The following DLC1 variants were observed in gnomAD, a reference collection of about 807,000 sequenced individuals.
DLC1 encodes DLC1 Rho GTPase activating protein, also known as rho GTPase-activating protein 7.
Under a neutral mutation model 140.3 loss-of-function variants are expected in DLC1, and 54 were observed. The observed-to-expected ratio is 0.38, with a 90% confidence interval of 0.31 to 0.48. The LOEUF (loss-of-function observed/expected upper bound fraction) is 0.48. Ranked by LOEUF, DLC1 falls within the 20% of genes least tolerant of loss-of-function variation. The probability of loss-of-function intolerance (pLI) is 0.96; values close to 1 mark genes in which losing one functional copy is unlikely to be tolerated. For synonymous variants in DLC1, 986 were observed against 728.1 expected, an observed-to-expected ratio of 1.35 and a Z score of -5.70; for missense variants, 2,536 against 1,907.0, an observed-to-expected ratio of 1.33 and a Z score of -6.14.
chr8:13,399,167 G>A (rs1837183858), intron 3 of DLC1, among the ~76,000 whole-genome samples: 1 of 152,116 alleles, frequency 6.6e-6, no homozygotes, highest in Non-Finnish European at 1.5e-5. Context: ...ACATTGACTA[G>A]AAAACTATTC....
At chr8:13,425,599 G>C (rs1838536542) in intron 2 of DLC1, among the ~76,000 whole-genome samples, 1 of 152,026 alleles carries the variant, frequency 6.6e-6, no homozygotes, top group South Asian at 2.1e-4. Context: ...TACCTGATAA[G>C]TGAGACTGTT....
chr8:13,126,919 T>C (rs991768099), intron 5 of DLC1, among the ~76,000 whole-genome samples: 5 of 152,186 alleles, frequency 3.3e-5, no homozygotes, highest in African/African-American at 1.2e-4. Context: ...CTCACCCATA[T>C]TTTCGTCCAT....
intron 4 of DLC1, among the ~76,000 whole-genome samples, chr8:13,318,877 A>C (rs901558895): frequency 1.3e-5 from 2 of 152,226 alleles, no homozygotes; most frequent in South Asian, 4.1e-4. Flanking sequence ...GAGAAATCAT[A>C]GTTTTTATGA....
At chr8:13,342,586 CT>C (rs1834114424) in intron 4 of DLC1, 1 of 152,232 alleles carries the variant, frequency 6.6e-6, no homozygotes, top group African/African-American at 2.4e-5. Flanking sequence ...GGAAGGAATT[CT>C]GCCCTAAGAC....
At chr8:13,172,298 A>G (rs1333194427) in intron 5 of DLC1, among the ~76,000 whole-genome samples, 4 of 152,170 alleles carry the variant, frequency 2.6e-5, no homozygotes, top group South Asian at 2.1e-4. Context: ...TGGAGCCTCA[A>G]TACTAAAACC....
At chr8:13,445,137 G>A in intron 2 of DLC1, among the ~76,000 whole-genome samples, 1 of 152,048 alleles carries the variant, frequency 6.6e-6, no homozygotes. Context: ...AAGGAAGAGA[G>A]CACAGAGGGA....
intron 2 of DLC1, among the ~76,000 whole-genome samples, chr8:13,457,637 A>T (rs1347544331): frequency 7.3e-6 from 1 of 137,030 alleles, no homozygotes; most frequent in Non-Finnish European, 1.5e-5. Context: ...AGATCGCGCC[A>T]CTGCACTCCA....
intron 5 of DLC1, among the ~76,000 whole-genome samples, chr8:13,226,786 C>G (rs896043491): frequency 7.2e-5 from 11 of 152,310 alleles, no homozygotes; most frequent in African/African-American, 2.6e-4. Context: ...GTTCCATTGA[C>G]TCAGAGTAGC....
intron 2 of DLC1, 160 bp downstream of exon 2, chr8:13,498,889 T>A: frequency 1.4e-6 from 1 of 714,800 alleles, no homozygotes; most frequent in East Asian, 2.7e-5. Context: ...TTTACATATT[T>A]TGATGGTTTG....
At chr8:13,163,794 T>C (rs2116887685) in intron 5 of DLC1, among the ~76,000 whole-genome samples, 1 of 151,158 alleles carries the variant, frequency 6.6e-6, no homozygotes, top group South Asian at 2.1e-4. Context: ...CAGTGAGACC[T>C]CTATGTCTAC....
At chr8:13,300,477 C>G (rs191304305) in intron 5 of DLC1, among the ~76,000 whole-genome samples, 30 of 152,288 alleles carry the variant, frequency 2.0e-4, no homozygotes, top group African/African-American at 6.5e-4. Flanking sequence ...AACAAACTCT[C>G]CAACCTCATT....
intron 1 of DLC1, among the ~76,000 whole-genome samples, chr8:13,512,326 C>T (rs116167714): frequency 0.029 from 4,363 of 152,182 alleles, 212 homozygotes; most frequent in African/African-American, 0.095. Context: ...AGGGTCTTGT[C>T]TGAGAAGGTA....
At chr8:13,253,431 A>ATGTGTG (rs3065442) in intron 5 of DLC1, among the ~76,000 whole-genome samples, 29,634 of 149,736 alleles carry the variant, frequency 0.2, 3,009 homozygotes, top group South Asian at 0.34. Flanking sequence ...AATACATATT[A>ATGTGTG]TGTGTGTGTG....
chr8:13,176,601 C>T (rs1249652667), intron 5 of DLC1, among the ~76,000 whole-genome samples: 3 of 152,096 alleles, frequency 2.0e-5, no homozygotes, highest in Admixed American at 6.6e-5. Flanking sequence ...ACACAAAACC[C>T]TCTCTTTTTG....
chr8:13,237,999 T>C (rs929413063), intron 5 of DLC1, among the ~76,000 whole-genome samples: 3 of 151,940 alleles, frequency 2.0e-5, no homozygotes, highest in Non-Finnish European at 2.9e-5. Context: ...CAGGTGAAAA[T>C]GCCATCCTAA....
chr8:13,524,262 T>C (rs1025363631), intron 1 of DLC1, among the ~76,000 whole-genome samples: 8 of 151,460 alleles, frequency 5.3e-5, no homozygotes, highest in African/African-American at 1.7e-4. Context: ...CTCAGCCTCC[T>C]GAGTAGCTGG....
intron 2 of DLC1, among the ~76,000 whole-genome samples, chr8:13,435,033 T>C (rs1444775268): frequency 2.0e-5 from 3 of 152,186 alleles, no homozygotes; most frequent in Non-Finnish European, 2.9e-5. Context: ...CTGCCATGGA[T>C]AGAATTTCTT....
At chr8:13,559,706 C>T (rs1563440723) in intron 1 of DLC1, among the ~76,000 whole-genome samples, 1 of 152,176 alleles carries the variant, frequency 6.6e-6, no homozygotes, top group Admixed American at 6.5e-5. Context: ...AATTCCAATT[C>T]TGTCATCTGT....
chr8:13,207,676 T>C (rs1447218370), intron 5 of DLC1, among the ~76,000 whole-genome samples: 1 of 152,138 alleles, frequency 6.6e-6, no homozygotes, highest in Non-Finnish European at 1.5e-5. Context: ...GGTTCTCAGT[T>C]GGAGTGATCT....
Sources: gnomAD v4.1 joint callset for allele counts (sites outside exome capture counted in the v4.1 genomes callset) on GRCh38, gnomAD v4.1.1 for gene constraint, MANE v1.5 for transcripts, NCBI Gene and HGNC (gene_info 2026-07-23, HGNC 2026-07-21) for gene names.